Variants in RREB1 observed in about 807,000 individuals in gnomAD.
RREB1 encodes the protein ras responsive element binding protein 1, also known as ras-responsive element-binding protein 1.
RREB1 carries 27 observed loss-of-function variants against 117.8 expected under a neutral mutation model. The ratio of observed to expected loss-of-function variants is 0.23; its 90% CI spans 0.17 to 0.32. The LOEUF (loss-of-function observed/expected upper bound fraction) is 0.32. Among genes scored for constraint, RREB1 ranks in the 10% least tolerant of loss-of-function variants. The pLI is 1.00. For missense variants in RREB1, 2,577 were observed against 2,378.2 expected (o/e 1.08, Z -1.74); for synonymous variants, 1,298 against 1,026.7 (o/e 1.26, Z -5.05).
At chr6:7,231,956 G>A (rs770235318) in intron 10 of RREB1, 49 bp downstream of exon 10, 1 of 1,516,542 alleles carries the variant, frequency 6.6e-7, no homozygotes, top group Admixed American at 2.1e-5. Flanking sequence ...TTCCTGGTAG[G>A]GGGAGCCACG....
rs753046251 is a variant in RREB1 at position 7,230,848 on chromosome 6, A to T, written c.2749A>T (p.Ile917Phe). ...LALVQVKQEN[I>F]SFLSPSSLVP... ...CCTGGTCCAAGTGAAGCAGGAAAACATCTCCTTTCTGAGCCCTTCTTCCCT... is the reference window on the plus strand; with the variant it reads ...CCTGGTCCAAGTGAAGCAGGAAAACTTCTCCTTTCTGAGCCCTTCTTCCCT... Residue 917 changes from isoleucine (I) to phenylalanine (F), a missense_variant, in exon 10 of 13, where the codon ATC becomes TTC. Ile to Phe is a conservative substitution (Grantham distance 21). Transcript: ENST00000379938. 1.2e-6 allele frequency: 2 copies of T among 1,614,182 alleles called. No homozygotes were observed. The highest frequency in any genetic ancestry group is 1.3e-5 in the African/African-American group (1 of 75,046).
chr6:7,118,948 C>T (rs560768211), intron 1 of RREB1, among the ~76,000 whole-genome samples: 9 of 151,294 alleles, frequency 5.9e-5, no homozygotes, highest in Admixed American at 5.9e-4. Flanking sequence ...TGCACCTGGC[C>T]TCCCATGGTG....
chr6:7,130,088 T>C (rs1762088177), intron 1 of RREB1, among the ~76,000 whole-genome samples: 1 of 152,196 alleles, frequency 6.6e-6, no homozygotes, highest in South Asian at 2.1e-4. Flanking sequence ...TTTTGGAGTC[T>C]TGCTGTCTTT....
At chr6:7,122,308 C>T (rs1248540853) in intron 1 of RREB1, among the ~76,000 whole-genome samples, 1 of 152,158 alleles carries the variant, frequency 6.6e-6, no homozygotes, top group Non-Finnish European at 1.5e-5. Flanking sequence ...TTGTGTCACC[C>T]ATACTGGAGT....
chr6:7,125,654 A>G (rs1286808689), intron 1 of RREB1, among the ~76,000 whole-genome samples: 1 of 152,174 alleles, frequency 6.6e-6, no homozygotes, highest in African/African-American at 2.4e-5. Context: ...TTATTATTTT[A>G]CATAATATGG....
At chr6:7,125,476 T>C (rs6933716) in intron 1 of RREB1, among the ~76,000 whole-genome samples, 79,605 of 151,960 alleles carry the variant, frequency 0.52, 24,095 homozygotes, top group Non-Finnish European at 0.69. Context: ...TTGAAACCTT[T>C]CATGTGGGCA....
At chr6:7,223,152 G>A (rs560618409) in intron 8 of RREB1, among the ~76,000 whole-genome samples, 49 of 151,878 alleles carry the variant, frequency 3.2e-4, no homozygotes, top group African/African-American at 1.2e-3. Context: ...GCTATGAAGG[G>A]AGGCTGAGGT....
chr6:7,141,406 TTAAAAA>T (rs1448040531), intron 1 of RREB1, among the ~76,000 whole-genome samples: 1 of 152,172 alleles, frequency 6.6e-6, no homozygotes, highest in African/African-American at 2.4e-5. Context: ...ACTCAGCTCC[TTAAAAA>T]TAATAAATTC....
At chr6:7,224,736 G>A (rs186207303) in intron 8 of RREB1, among the ~76,000 whole-genome samples, 22 of 152,276 alleles carry the variant, frequency 1.4e-4, no homozygotes, top group East Asian at 5.8e-4. Flanking sequence ...ATCTGGGCCC[G>A]CAGTGTGAGG....
intron 2 of RREB1, among the ~76,000 whole-genome samples, chr6:7,177,136 T>G (rs1463553853): frequency 6.7e-6 from 1 of 150,186 alleles, no homozygotes; most frequent in East Asian, 2.0e-4. Flanking sequence ...CGAGAATCGC[T>G]TGAACCTGGG....
intron 1 of RREB1, among the ~76,000 whole-genome samples, chr6:7,110,216 T>A (rs1186183747): frequency 6.6e-6 from 1 of 152,214 alleles, no homozygotes; most frequent in African/African-American, 2.4e-5. Flanking sequence ...AAGAAAAGAA[T>A]GTGGTTTAGT....
At chr6:7,200,218 G>A (rs1164011937) in intron 6 of RREB1, among the ~76,000 whole-genome samples, 1 of 145,798 alleles carries the variant, frequency 6.9e-6, no homozygotes, top group African/African-American at 2.5e-5. Flanking sequence ...GTATGTGTGT[G>A]TATATATATA....
chr6:7,129,516 G>A (rs1762068512), intron 1 of RREB1, among the ~76,000 whole-genome samples: 1 of 152,204 alleles, frequency 6.6e-6, no homozygotes, highest in African/African-American at 2.4e-5. Context: ...TTGGCCTGAG[G>A]CAGAGAGTGC....
Position 7,230,612 on chromosome 6 carries a change from C to T in RREB1, c.2513C>T (p.Ala838Val). 1 of 1,604,096 alleles carries T rather than the reference C, an allele frequency of 6.2e-7. No individual in the cohort carries two copies. The highest frequency in any genetic ancestry group is 8.5e-7 in the Non-Finnish European group (1 of 1,175,540). Residue 838 changes from alanine to valine, a missense_variant, in exon 10 of 13, where the codon GCC becomes GTC. Coordinates refer to ENST00000379938, the MANE Select transcript of RREB1 (RefSeq NM_001003699.4). ...GGCCTGGGCCCCGCAGAGGCGCCGG[C>T]CGCTGAGGCGTCGGGGCGCGGGGAG... ...ADGLGPAEAP[A>V]AEASGRGEDS...
At chr6:7,133,082 A>G (rs1376923390) in intron 1 of RREB1, among the ~76,000 whole-genome samples, 3 of 152,182 alleles carry the variant, frequency 2.0e-5, no homozygotes, top group African/African-American at 7.2e-5. Flanking sequence ...ATTAAATGAT[A>G]TTTGCATTTT....
intron 6 of RREB1, among the ~76,000 whole-genome samples, chr6:7,192,252 G>A (rs1319880590): frequency 1.3e-5 from 2 of 151,446 alleles, no homozygotes; most frequent in African/African-American, 4.9e-5. Flanking sequence ...GAGTGCAGTG[G>A]CGTGATCTCG....
chr6:7,143,574 T>C (rs1016137175), intron 1 of RREB1, among the ~76,000 whole-genome samples: 4 of 152,184 alleles, frequency 2.6e-5, no homozygotes, highest in African/African-American at 9.7e-5. Flanking sequence ...TAAATGGTGC[T>C]TGGGGCCTCT....
intron 8 of RREB1, chr6:7,217,820 G>A (rs183715922): frequency 6.6e-6 from 1 of 152,276 alleles, no homozygotes; most frequent in Non-Finnish European, 1.5e-5. Flanking sequence ...AGTTATAGGT[G>A]TTGTGGCACT....
intron 2 of RREB1, among the ~76,000 whole-genome samples, 181 bp from the exon 3 acceptor site, chr6:7,180,943 T>C (rs1410905513): frequency 6.6e-6 from 1 of 152,166 alleles, no homozygotes; most frequent in Non-Finnish European, 1.5e-5. Context: ...GGGGTTAAGA[T>C]AAGGTTGAGA....
Sources: allele counts gnomAD v4.1 joint callset (sites outside exome capture counted in the v4.1 genomes callset), GRCh38; gene constraint gnomAD v4.1.1; transcripts MANE v1.5; gene names NCBI Gene and HGNC (gene_info 2026-07-23, HGNC 2026-07-21).